The following TMEM217B variants were observed in gnomAD, a reference collection of about 807,000 sequenced individuals.
The protein encoded by TMEM217B is transmembrane protein 217B.
At chr6:37,226,611 C>T in the TMEM217B span, among the ~76,000 whole-genome samples, 7,883 of 151,750 alleles carry the variant, frequency 0.052, 295 homozygotes, top group Middle Eastern at 0.12. Context: ...CAGAGTCTTG[C>T]TCTGTTGCCC....
the TMEM217B span, among the ~76,000 whole-genome samples, chr6:37,243,667 C>T: frequency 2.0e-5 from 3 of 152,154 alleles, no homozygotes; most frequent in South Asian, 2.1e-4. Flanking sequence ...GGCATGATCT[C>T]GGCTCACTGC....
At chr6:37,227,068 A>G in the TMEM217B span, among the ~76,000 whole-genome samples, 3 of 152,250 alleles carry the variant, frequency 2.0e-5, no homozygotes, top group Non-Finnish European at 4.4e-5. Context: ...CAGCAAAATT[A>G]GGATTTGAAC....
At chr6:37,225,370 G>A in the TMEM217B span, among the ~76,000 whole-genome samples, 1 of 151,960 alleles carries the variant, frequency 6.6e-6, no homozygotes, top group African/African-American at 2.4e-5. Context: ...GTTCATCATA[G>A]TTTAAAAAAA....
chr6:37,249,104 G>T, the TMEM217B span, among the ~76,000 whole-genome samples: 143 of 152,240 alleles, frequency 9.4e-4, no homozygotes, highest in African/African-American at 3.0e-3. Flanking sequence ...AGTCCAAGAT[G>T]ATCTCATCTC....
At chr6:37,256,994 G>C in the TMEM217B span, among the ~76,000 whole-genome samples, 1 of 152,150 alleles carries the variant, frequency 6.6e-6, no homozygotes, top group Admixed American at 6.6e-5. Flanking sequence ...AGATTAACAA[G>C]GGAAATTAAG....
At chr6:37,238,333 G>A in the TMEM217B span, among the ~76,000 whole-genome samples, 1 of 152,126 alleles carries the variant, frequency 6.6e-6, no homozygotes, top group African/African-American at 2.4e-5. Context: ...TTTATGCCAA[G>A]GAGTAGCTAC....
At chr6:37,230,672 G>A in the TMEM217B span, among the ~76,000 whole-genome samples, 1 of 152,116 alleles carries the variant, frequency 6.6e-6, no homozygotes, top group East Asian at 1.9e-4. Flanking sequence ...CTTGATCTCA[G>A]AATTCAAGAA....
chr6:37,215,160 C>CAGAATAG, the TMEM217B span: 1 of 1,605,614 alleles, frequency 6.2e-7, no homozygotes, highest in East Asian at 2.2e-5. Context: ...TGCCGCTAGC[C>CAGAATAG]AAGGTCCTCT....
chr6:37,256,731 C>T, the TMEM217B span, among the ~76,000 whole-genome samples: 6 of 97,792 alleles, frequency 6.1e-5, no homozygotes, highest in African/African-American at 2.6e-4. Flanking sequence ...CATGTGGTAG[C>T]TGTAAATGGA....
At chr6:37,214,201 C>T in the TMEM217B span, among the ~76,000 whole-genome samples, 217 of 152,306 alleles carry the variant, frequency 1.4e-3, no homozygotes, top group Non-Finnish European at 2.7e-3. Context: ...GCAAGCATAT[C>T]GCTATCCATC....
chr6:37,248,362 T>C, the TMEM217B span, among the ~76,000 whole-genome samples: 3 of 152,220 alleles, frequency 2.0e-5, no homozygotes, highest in African/African-American at 7.2e-5. Flanking sequence ...GTGGCAATGA[T>C]CTGGTGCAGT....
At chr6:37,256,806 C>T in the TMEM217B span, among the ~76,000 whole-genome samples, 7 of 152,178 alleles carry the variant, frequency 4.6e-5, no homozygotes, top group Non-Finnish European at 1.0e-4. Flanking sequence ...ACAAAAACCA[C>T]TCTGGACTGG....
the TMEM217B span, among the ~76,000 whole-genome samples, chr6:37,215,570 CAAAAAAAAAAAAAA>C: frequency 2.3e-4 from 17 of 72,368 alleles, no homozygotes; most frequent in South Asian, 1.6e-3. Flanking sequence ...GACTCTGTCT[CAAAAAAAAAAAAAA>C]AAAAAAAAAA....
the TMEM217B span, among the ~76,000 whole-genome samples, chr6:37,215,892 G>C: frequency 1.2e-4 from 19 of 152,248 alleles, no homozygotes; most frequent in African/African-American, 4.1e-4. Context: ...CTTGAGCAGA[G>C]GGGAAGGCTG....
chr6:37,240,250 G>T, the TMEM217B span, among the ~76,000 whole-genome samples: 1 of 152,198 alleles, frequency 6.6e-6, no homozygotes, highest in African/African-American at 2.4e-5. Flanking sequence ...TAGGTGGGTG[G>T]TTCTGGTTCA....
At chr6:37,255,373 C>T in the TMEM217B span, among the ~76,000 whole-genome samples, 1 of 151,954 alleles carries the variant, frequency 6.6e-6, no homozygotes, top group Admixed American at 6.6e-5. Flanking sequence ...GACATGATAT[C>T]GTCTACATTT....
chr6:37,252,589 A>ATG, the TMEM217B span, among the ~76,000 whole-genome samples: 50 of 29,612 alleles, frequency 1.7e-3, no homozygotes, highest in African/African-American at 2.9e-3. Context: ...GTGTACGTGT[A>ATG]TGTGTGTGTG....
chr6:37,228,890 A>T, the TMEM217B span, among the ~76,000 whole-genome samples: 1 of 136,210 alleles, frequency 7.3e-6, no homozygotes, highest in Admixed American at 7.3e-5. Context: ...CCAGCTACTC[A>T]GGAGGCCGAG....
the TMEM217B span, among the ~76,000 whole-genome samples, chr6:37,251,579 T>C: frequency 6.6e-6 from 1 of 152,240 alleles, no homozygotes; most frequent in African/African-American, 2.4e-5. Flanking sequence ...ATGTACAGTA[T>C]GATGTTATTT....
Sources: gnomAD v4.1 joint callset for allele counts (sites outside exome capture counted in the v4.1 genomes callset) on GRCh38, gnomAD v4.1.1 for gene constraint, MANE v1.5 for transcripts, NCBI Gene and HGNC (gene_info 2026-07-23, HGNC 2026-07-21) for gene names.